CSNK1G1: variants seen among roughly 807,000 people sequenced by gnomAD.
CSNK1G1 encodes the protein casein kinase I isoform gamma-1.
CSNK1G1 carries 22 observed loss-of-function variants against 59.6 expected under a neutral mutation model. The observed-to-expected ratio is 0.37, with a 90% CI of 0.26 to 0.53. The LOEUF (loss-of-function observed/expected upper bound fraction) is 0.53. CSNK1G1 is among the 20% of genes least tolerant of loss of function. The probability of loss-of-function intolerance (pLI) is 0.89; values close to 1 mark genes in which losing one functional copy is unlikely to be tolerated. For missense variants in CSNK1G1, 384 were observed against 519.5 expected (o/e 0.74, Z 2.54); for synonymous variants, 179 against 177.1 (o/e 1.01, Z -0.08).
intron 1 of CSNK1G1, 123 bp downstream of exon 1, chr15:64,355,865 C>A: frequency 6.5e-6 from 1 of 153,454 alleles, no homozygotes; most frequent in Non-Finnish European, 1.4e-5. Flanking sequence ...CAGCCTGCGC[C>A]CCACCCGGGA....
At chr15:64,236,159 A>G (rs1269265781) in intron 4 of CSNK1G1, among the ~76,000 whole-genome samples, 1 of 151,088 alleles carries the variant, frequency 6.6e-6, no homozygotes, top group African/African-American at 2.4e-5. Flanking sequence ...AAAAAAAAAA[A>G]AAGAAAAGAA....
chr15:64,293,123 A>G (rs1894833599), intron 2 of CSNK1G1, among the ~76,000 whole-genome samples: 1 of 152,116 alleles, frequency 6.6e-6, no homozygotes, highest in Admixed American at 6.5e-5. Context: ...AAGTTCTCAC[A>G]AGATTCCCCA....
chr15:64,186,520 G>A (rs2081898421), intron 10 of CSNK1G1, among the ~76,000 whole-genome samples: 1 of 152,076 alleles, frequency 6.6e-6, no homozygotes, highest in Non-Finnish European at 1.5e-5. Flanking sequence ...GTTTTGTTTT[G>A]TTTTAAAGAG....
At chr15:64,258,129 TAAC>T (rs1438967428) in intron 3 of CSNK1G1, among the ~76,000 whole-genome samples, 1 of 151,768 alleles carries the variant, frequency 6.6e-6, no homozygotes. Context: ...CATTAGAAAA[TAAC>T]AATGCCAGGC....
chr15:64,245,933 G>T (rs1180618395), intron 4 of CSNK1G1, among the ~76,000 whole-genome samples: 1 of 152,140 alleles, frequency 6.6e-6, no homozygotes, highest in Admixed American at 6.6e-5. Flanking sequence ...GTTACCAGAG[G>T]CTGGGAATGG....
intron 10 of CSNK1G1, among the ~76,000 whole-genome samples, chr15:64,182,608 C>G (rs2081834115): frequency 6.6e-6 from 1 of 152,122 alleles, no homozygotes; most frequent in South Asian, 2.1e-4. Flanking sequence ...AATTAACTTT[C>G]TTAGAATGTC....
chr15:64,171,859 G>T lies in CSNK1G1; in HGVS notation c.*72C>A. 2 of 1,287,574 alleles carry T rather than the reference G, an allele frequency of 1.6e-6. No homozygotes were observed. Among genetic ancestry groups the T allele is most frequent in the South Asian group, 1.2e-5 (1 of 84,596 alleles). The allele number at this position is 1,287,574 out of a possible 1,614,324, so 79.8% of individuals were successfully genotyped here. A position where few individuals can be genotyped will look rare whatever the true frequency, so the allele number is the denominator to read the frequency against. On this transcript the variant is annotated 3_prime_UTR_variant, in exon 12 of 12. Transcript: ENST00000303052. The surrounding 1 kb of genome is among the most constrained non-coding windows in gnomAD (Gnocchi z 4.8). ...CCCCCAAAGAGGAGTCCCTTCCAAT[G>T]AGAAATGGCAGGAGCTGCAGGTACA... is the stretch of plus-strand genomic sequence containing the variant.
chr15:64,292,644 G>T (rs1374801475), intron 2 of CSNK1G1, among the ~76,000 whole-genome samples: 24 of 152,176 alleles, frequency 1.6e-4, no homozygotes, highest in Non-Finnish European at 2.9e-4. Context: ...AATATCACCA[G>T]CCAGGTGCAG....
intron 1 of CSNK1G1, among the ~76,000 whole-genome samples, chr15:64,329,491 A>C (rs1248455508): frequency 7.2e-6 from 1 of 139,846 alleles, no homozygotes; most frequent in East Asian, 2.1e-4. Flanking sequence ...ACAAAGACAC[A>C]ACATACCAGA....
In CSNK1G1 at chr15:64,168,683, G is replaced by A. The variant is rs1265560172; in HGVS notation, c.*3248C>T. ...AAACTACAGAGCAAGTGGATGGGTG[G>A]GGACAGTCAGCGAGTGCATGCCCTA... On this transcript the variant is annotated 3_prime_UTR_variant, in exon 12 of 12. Transcript: ENST00000303052. 6.6e-6 allele frequency: 1 copy of A among 152,244 alleles called. No homozygotes were observed. The highest frequency in any genetic ancestry group is 1.5e-5 in the Non-Finnish European group (1 of 68,042). 9.4% of individuals were successfully genotyped at this position (152,244 alleles called of 1,614,324 possible).
At chr15:64,184,041 C>A (rs1224913756) in intron 10 of CSNK1G1, among the ~76,000 whole-genome samples, 1 of 152,050 alleles carries the variant, frequency 6.6e-6, no homozygotes, top group East Asian at 1.9e-4. Flanking sequence ...CAGTGGCTCA[C>A]GCCTGTAATC....
chr15:64,348,637 A>G (rs1350344623), intron 1 of CSNK1G1, among the ~76,000 whole-genome samples: 2 of 152,184 alleles, frequency 1.3e-5, no homozygotes, highest in East Asian at 3.8e-4. Flanking sequence ...GCTCACCAGC[A>G]CCCACATCAG....
chr15:64,324,630 T>G (rs1186607988), intron 1 of CSNK1G1, among the ~76,000 whole-genome samples: 1 of 152,244 alleles, frequency 6.6e-6, no homozygotes, highest in Non-Finnish European at 1.5e-5. Flanking sequence ...CTGGCTTCCC[T>G]GCTCCTCAGT....
chr15:64,240,005 G>A (rs972044773), intron 4 of CSNK1G1, among the ~76,000 whole-genome samples: 14 of 152,054 alleles, frequency 9.2e-5, no homozygotes, highest in African/African-American at 1.4e-4. Context: ...AGGCTGAGGC[G>A]GGTGGATCAC....
At chr15:64,229,939 T>TTTTTTTTTTTTTTTTTA (rs768405168) in intron 4 of CSNK1G1, among the ~76,000 whole-genome samples, 1 of 121,544 alleles carries the variant, frequency 8.2e-6, no homozygotes, top group Non-Finnish European at 1.7e-5. Context: ...TTTTTTTTTT[T>TTTTTTTTTTTTTTTTTA]AAGACAGAAT....
intron 1 of CSNK1G1, among the ~76,000 whole-genome samples, chr15:64,350,250 T>C (rs1384671993): frequency 6.6e-6 from 1 of 152,162 alleles, no homozygotes; most frequent in Non-Finnish European, 1.5e-5. Context: ...TCCCAGCACT[T>C]TGGGAGGCCA....
chr15:64,267,256 C>CAAAAAA (rs199581105), intron 2 of CSNK1G1, among the ~76,000 whole-genome samples: 16 of 61,600 alleles, frequency 2.6e-4, no homozygotes, highest in East Asian at 5.5e-4. Context: ...GACCTTATCT[C>CAAAAAA]AAAAAAAAAA....
chr15:64,226,383 C>A (rs1223885723), intron 4 of CSNK1G1, among the ~76,000 whole-genome samples: 1 of 152,062 alleles, frequency 6.6e-6, no homozygotes, highest in Non-Finnish European at 1.5e-5. Context: ...CATGGAGAAA[C>A]CCCGTCTCTA....
intron 1 of CSNK1G1, among the ~76,000 whole-genome samples, chr15:64,349,000 G>C (rs1425461767): frequency 6.6e-6 from 1 of 151,932 alleles, no homozygotes; most frequent in African/African-American, 2.4e-5. Context: ...GGACATGGTA[G>C]GTAGCGGGCA....
Sources: allele counts gnomAD v4.1 joint callset (sites outside exome capture counted in the v4.1 genomes callset), GRCh38; gene constraint gnomAD v4.1.1; non-coding constraint Gnocchi (gnomAD v3.1); transcripts MANE v1.5; gene names NCBI Gene and HGNC (gene_info 2026-07-23, HGNC 2026-07-21).